Variants in ICAM1 observed in about 807,000 individuals in gnomAD.
ICAM1 encodes the protein intercellular adhesion molecule 1, also known as ICAM-1.
In ICAM1, 28 loss-of-function variants were observed where a neutral mutation model predicts 42.3. The observed-to-expected ratio is 0.66, with a 90% CI of 0.49 to 0.91. The LOEUF is 0.91. ICAM1 is among the 40% of genes least tolerant of loss of function. ICAM1 has a pLI of 0.00. For missense variants in ICAM1, 637 were observed against 688.6 expected (o/e 0.93, Z 0.84); for synonymous variants, 304 against 305.9 (o/e 0.99, Z 0.07).
chr19:10,284,022 T>A lies in ICAM1; in HGVS notation c.638-11T>A, dbSNP rs1481351398. The A allele has an allele frequency of 7.5e-6, 12 of 1,608,316 alleles. No individual in the cohort carries two copies. Among genetic ancestry groups the A allele is most frequent in the Non-Finnish European group, 1.0e-5 (12 of 1,176,028 alleles). The stretch of plus-strand genomic sequence containing the variant: ...CATCCCTGTCTGCTCACACCTTTCT[T>A]CTCTCCCTAGTCCTGCCAGCGACTC... On this transcript the variant is annotated splice_polypyrimidine_tract_variant and intron_variant, in intron 3 of 6. Coordinates refer to ENST00000264832, the MANE Select transcript of ICAM1 (RefSeq NM_000201.3). This position sits in a 1 kb window ranked among gnomAD's most constrained non-coding sequence, Gnocchi z 5.4.
At chr19:10,276,362 G>T (rs188710835) in intron 2 of ICAM1, among the ~76,000 whole-genome samples, 2 of 150,796 alleles carry the variant, frequency 1.3e-5, no homozygotes, top group Non-Finnish European at 3.0e-5. Flanking sequence ...TGGCTAACAT[G>T]GTGAAACCCC....
chr19:10,283,520 G>A lies in ICAM1; in HGVS notation c.371G>A (p.Trp124Ter), dbSNP rs2040076240. The A allele has an allele frequency of 1.9e-6, 3 of 1,593,130 alleles. No individual in the cohort carries two copies. Among genetic ancestry groups the A allele is most frequent in the Non-Finnish European group, 2.6e-6 (3 of 1,167,352 alleles). Reference protein sequence around the residue: ...ERVELAPLPSWQPVGKNLTLR... With the variant: ...ERVELAPLPS ...GTGGAACTGGCACCCCTCCCCTCTTGGCAGCCAGTGGGCAAGAACCTTACC... is the reference window on the plus strand; with the variant it reads ...GTGGAACTGGCACCCCTCCCCTCTTAGCAGCCAGTGGGCAAGAACCTTACC... The change falls in exon 3 of 7, where the codon TGG becomes TAG. Residue 124 changes from tryptophan (W) to a stop codon, truncating the protein, a stop_gained. Transcript: ENST00000264832. LOFTEE classifies it high-confidence loss of function.
chr19:10,275,673 G>A (rs1322628189), intron 2 of ICAM1, among the ~76,000 whole-genome samples: 1 of 151,002 alleles, frequency 6.6e-6, no homozygotes, highest in Non-Finnish European at 1.5e-5. Context: ...TTTGAGACCA[G>A]CCTGGGCAAC....
At position 10,275,330 on chromosome 19, in the gene ICAM1, C is replaced by T. The variant is rs558061444; in HGVS notation, c.331+302C>T. 1.4e-3 allele frequency among the ~76,000 whole-genome samples: 209 copies of T among 152,242 alleles called. 1 individual carries two copies. Among genetic ancestry groups the T allele is most frequent in the Non-Finnish European group, 2.6e-3 (175 of 68,026 alleles). On this transcript the variant is annotated intron_variant, in intron 2 of 6. Transcript: ENST00000264832. ...TCGCCAACATGGCGAAACCCTGTCT[C>T]TGCTGAAAATACAAAAATCAGCCGG...
Position 10,285,376 on chromosome 19 carries a change from C to T in ICAM1, c.*89C>T. ...AACAGAGTGGAAGACATATGCCATG[C>T]AGCTACACCTACCGGCCCTGGGACG... is the stretch of plus-strand genomic sequence containing the variant. On this transcript the variant is annotated 3_prime_UTR_variant, in exon 7 of 7. Coordinates refer to ENST00000264832, the MANE Select transcript of ICAM1 (RefSeq NM_000201.3). 2 of 1,288,426 alleles carry T rather than the reference C, an allele frequency of 1.6e-6. No individual in the cohort carries two copies. The highest frequency in any genetic ancestry group is 2.2e-6 in the Non-Finnish European group (2 of 922,552). 79.8% of individuals were successfully genotyped at this position (1,288,426 alleles called of 1,614,324 possible). A position where few individuals can be genotyped will look rare whatever the true frequency, so the allele number is the denominator to read the frequency against.
intron 2 of ICAM1, among the ~76,000 whole-genome samples, chr19:10,281,120 G>C (rs553535829): frequency 6.6e-6 from 1 of 151,694 alleles, no homozygotes; most frequent in African/African-American, 2.4e-5. Context: ...TGATCCGCCC[G>C]CCTTGGCCTC....
intron 2 of ICAM1, among the ~76,000 whole-genome samples, chr19:10,276,471 G>A (rs1482304626): frequency 1.3e-5 from 2 of 150,898 alleles, no homozygotes; most frequent in African/African-American, 2.4e-5. Context: ...CATGAACCCG[G>A]GAGGCAGAGC....
intron 2 of ICAM1, among the ~76,000 whole-genome samples, chr19:10,277,452 TACA>T (rs1371911926): frequency 1.3e-5 from 2 of 151,808 alleles, no homozygotes; most frequent in Non-Finnish European, 2.9e-5. Flanking sequence ...GTGCTGGGAT[TACA>T]ACGTGAGCCA....
At chr19:10,276,700 G>A (rs986288290) in intron 2 of ICAM1, among the ~76,000 whole-genome samples, 2 of 149,850 alleles carry the variant, frequency 1.3e-5, no homozygotes, top group Non-Finnish European at 3.0e-5. Flanking sequence ...GGCTGGGCAC[G>A]GTGGCTCACG....
chr19:10,277,583 G>A (rs1289205461), intron 2 of ICAM1, among the ~76,000 whole-genome samples: 1 of 152,016 alleles, frequency 6.6e-6, no homozygotes, highest in Non-Finnish European at 1.5e-5. Context: ...TCCCTCCCGG[G>A]TTCAAGCAAT....
At chr19:10,271,373 G>A (rs1054751562) in intron 1 of ICAM1, 147 bp downstream of exon 1, 1 of 655,888 alleles carries the variant, frequency 1.5e-6, no homozygotes, top group African/African-American at 1.8e-5. Flanking sequence ...CAGTAGGTTC[G>A]AATCCAGACC....
chr19:10,281,028 C>T (rs1313447334), intron 2 of ICAM1, among the ~76,000 whole-genome samples: 3 of 141,570 alleles, frequency 2.1e-5, no homozygotes, highest in Admixed American at 6.9e-5. Context: ...CGCCCACCAC[C>T]ACGCCTGGCT....
chr19:10,276,858 C>G (rs1173315464), intron 2 of ICAM1, among the ~76,000 whole-genome samples: 2 of 151,630 alleles, frequency 1.3e-5, no homozygotes, highest in African/African-American at 4.9e-5. Context: ...ACCTGTAATC[C>G]CAGCTACTCG....
intron 2 of ICAM1, among the ~76,000 whole-genome samples, chr19:10,276,807 A>G (rs2040020357): frequency 2.0e-5 from 3 of 151,616 alleles, no homozygotes; most frequent in African/African-American, 7.3e-5. Flanking sequence ...CCCCGTCTCT[A>G]TTAAAAATAC....
intron 1 of ICAM1, among the ~76,000 whole-genome samples, chr19:10,273,708 G>T (rs1435854464): frequency 1.3e-5 from 2 of 150,508 alleles, no homozygotes; most frequent in African/African-American, 4.9e-5. Context: ...GCTCCCTATT[G>T]CCCTCAGTAT....
intron 2 of ICAM1, among the ~76,000 whole-genome samples, chr19:10,279,110 T>C (rs916535847): frequency 6.6e-6 from 1 of 152,182 alleles, no homozygotes; most frequent in African/African-American, 2.4e-5. Context: ...AGAGGTGTAA[T>C]TCCTAGAGGA....
rs1245845891 is a variant in ICAM1 at position 10,285,401 on chromosome 19, G to A, written c.*114G>A. 1.1e-5 allele frequency: 11 copies of A among 994,280 alleles called. No individual in the cohort carries two copies. The highest frequency in any genetic ancestry group is 5.2e-5 in the East Asian group (2 of 38,428). The allele number at this position is 994,280 out of a possible 1,614,324, so 61.6% of individuals were successfully genotyped here. A position where few individuals can be genotyped will look rare whatever the true frequency, so the allele number is the denominator to read the frequency against. On this transcript the variant is annotated 3_prime_UTR_variant, in exon 7 of 7. Coordinates refer to ENST00000264832, the MANE Select transcript of ICAM1 (RefSeq NM_000201.3). ...CAGCTACACCTACCGGCCCTGGGAC[G>A]CCGGAGGACAGGGCATTGTCCTCAG...
chr19:10,284,792 G>A lies in ICAM1; in HGVS notation c.1190G>A (p.Arg397Gln), dbSNP rs5497. ...TRELRVLYGP[R>Q]LDERDCPGNW... ...CATCGTGTTTTTCCAGATGGCCCCCGACTGGACGAGAGGGATTGTCCGGGA... is the reference window on the plus strand; with the variant it reads ...CATCGTGTTTTTCCAGATGGCCCCCAACTGGACGAGAGGGATTGTCCGGGA... The change falls in exon 6 of 7, where the codon CGA becomes CAA. Residue 397 changes from arginine (R) to glutamine (Q), a missense_variant. Transcript: ENST00000264832. This position sits in a 1 kb window ranked among gnomAD's most constrained non-coding sequence, Gnocchi z 5.4. 2.0e-3 allele frequency: 3,133 copies of A among 1,605,842 alleles called. 43 individuals are homozygous for A. The African/African-American group carries it at 0.03, about 16-fold the overall frequency.
chr19:10,276,601 C>G (rs1002930510), intron 2 of ICAM1, among the ~76,000 whole-genome samples: 5 of 147,242 alleles, frequency 3.4e-5, no homozygotes, highest in Non-Finnish European at 7.5e-5. Flanking sequence ...GCTATTGGAA[C>G]GTAGGAGGTC....
Sources: gnomAD v4.1 joint callset for allele counts (sites outside exome capture counted in the v4.1 genomes callset) on GRCh38, gnomAD v4.1.1 for gene constraint, Gnocchi (gnomAD v3.1) non-coding constraint, MANE v1.5 for transcripts, NCBI Gene and HGNC (gene_info 2026-07-23, HGNC 2026-07-21) for gene names.